The following SRRM4 variants were observed in gnomAD, a reference collection of about 807,000 sequenced individuals.
SRRM4 encodes serine/arginine repetitive matrix 4.
Under a neutral mutation model 68.9 loss-of-function variants are expected in SRRM4, and 33 were observed. That is an observed-to-expected ratio of 0.48 (90% CI 0.36 to 0.64). The LOEUF is 0.64. SRRM4 is among the 30% of genes least tolerant of loss of function. SRRM4 has a pLI of 0.00. For synonymous variants in SRRM4, 318 were observed against 318.8 expected (o/e 1.00, Z 0.03); for missense variants, 817 against 827.1 (o/e 0.99, Z 0.15).
chr12:118,981,623 C>T lies in SRRM4; in HGVS notation c.-260C>T. 1 of 418,422 alleles carries T rather than the reference C, an allele frequency of 2.4e-6. No individual in the cohort carries two copies. Among genetic ancestry groups the T allele is most frequent in the Non-Finnish European group, 4.3e-6 (1 of 234,916 alleles). The allele number at this position is 418,422 out of a possible 1,614,324, so 25.9% of individuals were successfully genotyped here. On this transcript the variant is annotated 5_prime_UTR_variant, in exon 1 of 13. Coordinates refer to ENST00000267260, the MANE Select transcript of SRRM4 (RefSeq NM_194286.4). ...CCAGCCCTCCCTTCCCTTCTTGGGG[C>T]GCAGAGGCTCAGCCAGCTCAGAGCG... is the stretch of plus-strand genomic sequence containing the variant.
At chr12:119,086,804 A>G (rs1328473439) in intron 1 of SRRM4, among the ~76,000 whole-genome samples, 1 of 152,222 alleles carries the variant, frequency 6.6e-6, no homozygotes, top group Non-Finnish European at 1.5e-5. Flanking sequence ...GAGCCTAGAA[A>G]AGATCCCTCT....
intron 1 of SRRM4, among the ~76,000 whole-genome samples, chr12:119,038,901 G>A (rs1953647083): frequency 6.6e-6 from 1 of 152,204 alleles, no homozygotes; most frequent in African/African-American, 2.4e-5. Flanking sequence ...CCAGAGGGAT[G>A]CAGTTGAGGA....
At chr12:119,145,332 C>A (rs1217437392) in intron 8 of SRRM4, 49 bp from the exon 9 acceptor site, 2 of 1,501,750 alleles carry the variant, frequency 1.3e-6, no homozygotes, top group East Asian at 2.4e-5. Flanking sequence ...TTAGAAACAG[C>A]CCATGGGCCC....
At chr12:119,069,244 G>C (rs990106267) in intron 1 of SRRM4, among the ~76,000 whole-genome samples, 2 of 152,216 alleles carry the variant, frequency 1.3e-5, no homozygotes, top group African/African-American at 4.8e-5. Flanking sequence ...GGCTGGGCGT[G>C]AGAACTGCCG....
In SRRM4 at chr12:119,156,793, C is replaced by T. The variant is rs372380643; in HGVS notation, c.1831C>T (p.Arg611Cys). 27 of 1,527,042 alleles carry T rather than the reference C, an allele frequency of 1.8e-5. No individual in the cohort carries two copies. The highest frequency in any genetic ancestry group is 1.2e-5 in the Non-Finnish European group (14 of 1,137,456). 94.6% of individuals were successfully genotyped at this position (1,527,042 alleles called of 1,614,324 possible). A position where few individuals can be genotyped will look rare whatever the true frequency, so the allele number is the denominator to read the frequency against. ...AGCAGACAGCTACTCCAGCACGAGGCGCTAAGTGCCCCTGAGCCAGCTGCC... is the reference window on the plus strand; with the variant it reads ...AGCAGACAGCTACTCCAGCACGAGGTGCTAAGTGCCCCTGAGCCAGCTGCC... ...SSADSYSSTR[R>C] Residue 611 changes from arginine to cysteine, a missense_variant, in exon 13 of 13, where the codon CGC becomes TGC. Coordinates refer to ENST00000267260, the MANE Select transcript of SRRM4 (RefSeq NM_194286.4).
Position 119,156,934 on chromosome 12 carries a change from G to A in SRRM4, c.*136G>A. Reference sequence around the variant, plus strand: ...CCTTCCTGCTTGCCTAGGGGAAGAGGAGAAGAGGGTAAGGGGGCTTCACTC... The same window carrying A: ...CCTTCCTGCTTGCCTAGGGGAAGAGAAGAAGAGGGTAAGGGGGCTTCACTC... On this transcript the variant is annotated 3_prime_UTR_variant, in exon 13 of 13. Transcript: ENST00000267260. 2 of 1,140,692 alleles carry A rather than the reference G, an allele frequency of 1.8e-6. No homozygotes were observed. The highest frequency in any genetic ancestry group is 2.9e-5 in the Admixed American group (1 of 34,718). 70.7% of individuals were successfully genotyped at this position (1,140,692 alleles called of 1,614,324 possible). A position where few individuals can be genotyped will look rare whatever the true frequency, so the allele number is the denominator to read the frequency against.
At chr12:119,027,697 A>G (rs933963985) in intron 1 of SRRM4, among the ~76,000 whole-genome samples, 2 of 152,220 alleles carry the variant, frequency 1.3e-5, no homozygotes, top group African/African-American at 2.4e-5. Flanking sequence ...CAAGTATTCT[A>G]CATGTCTTAT....
rs575075656 is a variant in SRRM4 at position 119,061,213 on chromosome 12, G to T, written c.132-41023G>T. ...CCCAGACCGAAAATTCTTCAAGATG[G>T]ACTCAAAAATAGCAATGTTTCCCGC... is the stretch of plus-strand genomic sequence containing the variant. On this transcript the variant is annotated intron_variant, in intron 1 of 12. Coordinates refer to ENST00000267260, the MANE Select transcript of SRRM4 (RefSeq NM_194286.4). Among the ~76,000 whole-genome samples the T allele has an allele frequency of 8.5e-5, 13 of 152,326 alleles. No individual in the cohort carries two copies. The East Asian group carries it at 2.3e-3, about 27-fold the overall frequency.
At chr12:119,057,826 T>C (rs1236462605) in intron 1 of SRRM4, among the ~76,000 whole-genome samples, 2 of 152,220 alleles carry the variant, frequency 1.3e-5, no homozygotes, top group African/African-American at 2.4e-5. Flanking sequence ...TGTAAAAGTG[T>C]TCCTTTTTCT....
chr12:119,119,796 G>A (rs1001546322), intron 4 of SRRM4, among the ~76,000 whole-genome samples: 10 of 152,144 alleles, frequency 6.6e-5, no homozygotes, highest in Admixed American at 3.9e-4. Context: ...AAGGGAGAGA[G>A]AAGATGAGAT....
intron 6 of SRRM4, 146 bp from the exon 7 acceptor site, chr12:119,125,235 G>A (rs989371783): frequency 4.9e-5 from 33 of 678,540 alleles, no homozygotes; most frequent in Non-Finnish European, 6.6e-5. Flanking sequence ...CTGGACTAAC[G>A]CATGGGGTTG....
Position 119,154,247 on chromosome 12 carries a change from C to A in SRRM4, c.1396C>A (p.Arg466=). 1 of 1,603,216 alleles carries A rather than the reference C, an allele frequency of 6.2e-7. No homozygotes were observed. The highest frequency in any genetic ancestry group is 8.5e-7 in the Non-Finnish European group (1 of 1,174,256). Residue 466 remains arginine (R), a synonymous_variant, in exon 12 of 13, where the codon CGG becomes AGG. Transcript: ENST00000267260. This position sits in a 1 kb window ranked among gnomAD's most constrained non-coding sequence, Gnocchi z 4.7. The part of the protein sequence containing the change: ...SYSRYSPSRE[R]DPKYSEKDSQ... ...TAACCCCCCGCGCCCCTTCAGGGAG[C>A]GGGATCCCAAATACAGTGAGAAGGA...
chr12:119,122,335 G>T (rs1250273390), intron 6 of SRRM4, among the ~76,000 whole-genome samples: 2 of 150,416 alleles, frequency 1.3e-5, no homozygotes, highest in Admixed American at 1.3e-4. Context: ...AGGAAGGAAG[G>T]AAGGGGAGAG....
intron 1 of SRRM4, among the ~76,000 whole-genome samples, chr12:118,993,484 G>A (rs1018356956): frequency 2.6e-5 from 4 of 152,198 alleles, no homozygotes; most frequent in Admixed American, 2.0e-4. Flanking sequence ...ATTGAAAGGG[G>A]AACCCAGATA....
chr12:119,045,910 C>A (rs981892368), intron 1 of SRRM4, among the ~76,000 whole-genome samples: 29 of 151,928 alleles, frequency 1.9e-4, no homozygotes, highest in Non-Finnish European at 4.1e-4. Flanking sequence ...TGGTGGTGTG[C>A]ACCTGTAGTC....
chr12:119,102,499 GT>G, intron 2 of SRRM4, 117 bp downstream of exon 2: 1 of 784,620 alleles, frequency 1.3e-6, no homozygotes, highest in Non-Finnish European at 2.0e-6. Flanking sequence ...TCAAGGGTTA[GT>G]AAATATTTAC....
intron 6 of SRRM4, among the ~76,000 whole-genome samples, chr12:119,123,264 AAT>A (rs1954234575): frequency 6.6e-6 from 1 of 152,228 alleles, no homozygotes; most frequent in African/African-American, 2.4e-5. Context: ...AGGCCTGGGG[AAT>A]GCTCCAGAAG....
At chr12:118,982,672 T>TTTG (rs778281940) in intron 1 of SRRM4, among the ~76,000 whole-genome samples, 1 of 78,084 alleles carries the variant, frequency 1.3e-5, no homozygotes, top group South Asian at 3.6e-4. Flanking sequence ...TTATTTTGTT[T>TTTG]TTTTTTGTTT....
At chr12:119,120,570 A>T (rs995588193) in intron 5 of SRRM4, among the ~76,000 whole-genome samples, 5 of 152,160 alleles carry the variant, frequency 3.3e-5, no homozygotes, top group Non-Finnish European at 4.4e-5. Context: ...GAACTGGGGC[A>T]CATAGGGAAA....
Sources: allele counts gnomAD v4.1 joint callset (sites outside exome capture counted in the v4.1 genomes callset), GRCh38; gene constraint gnomAD v4.1.1; non-coding constraint Gnocchi (gnomAD v3.1); transcripts MANE v1.5; gene names NCBI Gene and HGNC (gene_info 2026-07-23, HGNC 2026-07-21).